Variants in MAGI2 observed in about 807,000 individuals in gnomAD.
MAGI2 encodes membrane associated guanylate kinase, WW and PDZ domain containing 2.
Under a neutral mutation model 133.3 loss-of-function variants are expected in MAGI2, and 35 were observed. The observed-to-expected ratio is 0.26, with a 90% CI of 0.20 to 0.35. The LOEUF is 0.35. Ranked by LOEUF, MAGI2 falls within the 10% of genes least tolerant of loss-of-function variation. The pLI, the probability that MAGI2 is intolerant of heterozygous loss-of-function variation, is 1.00. For synonymous variants in MAGI2, 729 were observed against 710.6 expected (o/e 1.03, Z -0.41); for missense variants, 1,636 against 1,863.4 (o/e 0.88, Z 2.25).
intron 6 of MAGI2, among the ~76,000 whole-genome samples, chr7:78,463,706 A>G (rs1790315720): frequency 6.6e-6 from 1 of 152,228 alleles, no homozygotes. Context: ...AGAAATTGAA[A>G]GTAAACAAGG....
intron 3 of MAGI2, among the ~76,000 whole-genome samples, chr7:78,550,470 A>C (rs1199616838): frequency 1.3e-5 from 2 of 152,178 alleles, no homozygotes; most frequent in Non-Finnish European, 2.9e-5. Context: ...ATATTTGTAA[A>C]AATTAGGGGA....
chr7:79,315,746 G>T lies in MAGI2; in HGVS notation c.301+137274C>A, dbSNP rs116300799. On this transcript the variant is annotated intron_variant, in intron 1 of 21. Coordinates refer to ENST00000354212, the MANE Select transcript of MAGI2 (RefSeq NM_012301.4). ...GTAGAGCATAAAGTCCAGTAACTCT[G>T]GGCAAAAGCAGAGAGATGAAAAGAG... 5.1e-3 allele frequency among the ~76,000 whole-genome samples: 782 copies of T among 152,206 alleles called. 4 individuals carry two copies. Among genetic ancestry groups the T allele is most frequent in the African/African-American group, 0.018 (739 of 41,524 alleles).
chr7:78,102,921 C>T (rs1475365028), intron 20 of MAGI2, among the ~76,000 whole-genome samples: 3 of 152,138 alleles, frequency 2.0e-5, no homozygotes, highest in African/African-American at 7.2e-5. Flanking sequence ...CATACCTACC[C>T]GGGGGGATTC....
chr7:78,136,375 C>A (rs1039191543), intron 16 of MAGI2, among the ~76,000 whole-genome samples: 1 of 152,202 alleles, frequency 6.6e-6, no homozygotes, highest in Non-Finnish European at 1.5e-5. Flanking sequence ...CTGCCTCGGC[C>A]TCCCAAAGTG....
intron 9 of MAGI2, among the ~76,000 whole-genome samples, chr7:78,301,362 G>A (rs572034729): frequency 2.5e-4 from 38 of 152,104 alleles, no homozygotes; most frequent in Non-Finnish European, 5.0e-4. Context: ...CCAACAAAAT[G>A]TCTCTGACAC....
intron 2 of MAGI2, among the ~76,000 whole-genome samples, chr7:78,835,621 G>A (rs1791553175): frequency 6.6e-6 from 1 of 152,100 alleles, no homozygotes; most frequent in Non-Finnish European, 1.5e-5. Context: ...AACTGACAGG[G>A]TTTGCCATAT....
chr7:78,077,725 G>GTTTTTTTTTTTTTT (rs538030969), intron 21 of MAGI2, among the ~76,000 whole-genome samples: 4 of 101,254 alleles, frequency 4.0e-5, no homozygotes, highest in African/African-American at 8.0e-5. Flanking sequence ...TCTTTAGAAT[G>GTTTTTTTTTTTTTT]TTTTTTTTTT....
At chr7:78,502,495 A>G (rs1161265875) in intron 4 of MAGI2, among the ~76,000 whole-genome samples, 1 of 152,198 alleles carries the variant, frequency 6.6e-6, no homozygotes, top group African/African-American at 2.4e-5. Context: ...CCATGGTGCA[A>G]AAATAGATGA....
At chr7:79,307,733 C>T (rs561219838) in intron 1 of MAGI2, among the ~76,000 whole-genome samples, 10 of 152,196 alleles carry the variant, frequency 6.6e-5, no homozygotes, top group Admixed American at 3.3e-4. Flanking sequence ...TGGCCTGGAG[C>T]GGAACATTAC....
chr7:78,638,602 C>G (rs1231397875), intron 2 of MAGI2, among the ~76,000 whole-genome samples: 2 of 152,136 alleles, frequency 1.3e-5, no homozygotes, highest in South Asian at 2.1e-4. Flanking sequence ...GGCTTTTGAT[C>G]CATTCTTACA....
Position 78,250,728 on chromosome 7 carries a change from G to C in MAGI2, c.2047+5215C>G, listed in dbSNP as rs1792298916. Reference sequence around the variant, plus strand: ...AGAAGAAAACATTAAATCAAGAAAAGAAATGGAATTAATAACTAAAAACCT... The same window carrying C: ...AGAAGAAAACATTAAATCAAGAAAACAAATGGAATTAATAACTAAAAACCT... On this transcript the variant is annotated intron_variant, in intron 10 of 21. Transcript: ENST00000354212. 3.3e-5 allele frequency among the ~76,000 whole-genome samples: 5 copies of C among 151,920 alleles called. No homozygotes were observed. The South Asian group carries it at 1.0e-3, about 31-fold the overall frequency.
intron 1 of MAGI2, among the ~76,000 whole-genome samples, chr7:79,424,743 T>C (rs562792177): frequency 2.0e-5 from 3 of 152,292 alleles, no homozygotes; most frequent in South Asian, 4.1e-4. Flanking sequence ...TAAAGTCACA[T>C]AGTCTATATT....
Position 78,737,909 on chromosome 7 carries a change from A to G in MAGI2, c.419-110670T>C. The stretch of plus-strand genomic sequence containing the variant: ...GAAACCAAAACATTTGAGAATGGCT[A>G]TCACTTAGTGGTAAGGAGAAAATAT... On this transcript the variant is annotated intron_variant, in intron 2 of 21. Coordinates refer to ENST00000354212, the MANE Select transcript of MAGI2 (RefSeq NM_012301.4). Among the ~76,000 whole-genome samples the G allele has an allele frequency of 1.3e-5, 2 of 152,100 alleles. 1 individual carries two copies. The highest frequency in any genetic ancestry group is 2.9e-5 in the Non-Finnish European group (2 of 67,980).
chr7:78,422,740 G>C (rs1364223072), intron 6 of MAGI2, among the ~76,000 whole-genome samples: 2 of 152,142 alleles, frequency 1.3e-5, no homozygotes, highest in Admixed American at 6.5e-5. Context: ...ACTAAATTCT[G>C]CGCTCTTGAA....
chr7:78,923,466 CTTGT>C (rs970226181), intron 2 of MAGI2, among the ~76,000 whole-genome samples: 25 of 152,160 alleles, frequency 1.6e-4, no homozygotes, highest in Non-Finnish European at 3.2e-4. Context: ...TTCCCCATTG[CTTGT>C]TTTTCTCAGG....
chr7:78,443,677 A>G (rs1787847327), intron 6 of MAGI2, among the ~76,000 whole-genome samples: 1 of 152,102 alleles, frequency 6.6e-6, no homozygotes, highest in South Asian at 2.1e-4. Flanking sequence ...GTATACATCC[A>G]TCATAAAAAC....
intron 1 of MAGI2, among the ~76,000 whole-genome samples, chr7:79,406,430 T>C (rs1845812741): frequency 6.6e-6 from 1 of 152,060 alleles, no homozygotes; most frequent in Non-Finnish European, 1.5e-5. Flanking sequence ...ACAACTAGAG[T>C]TATTGAAAAT....
intron 2 of MAGI2, among the ~76,000 whole-genome samples, chr7:78,717,870 A>G (rs549024846): frequency 4.0e-4 from 61 of 152,308 alleles, no homozygotes; most frequent in Admixed American, 3.3e-3. Context: ...TAGTACTAGC[A>G]TAAGTACTAA....
chr7:79,448,920 C>T (rs1025996680), intron 1 of MAGI2, among the ~76,000 whole-genome samples: 1 of 152,006 alleles, frequency 6.6e-6, no homozygotes, highest in East Asian at 1.9e-4. Context: ...TCTACATGTA[C>T]CAGAAAACTA....
Sources: allele counts gnomAD v4.1 joint callset (sites outside exome capture counted in the v4.1 genomes callset), GRCh38; gene constraint gnomAD v4.1.1; transcripts MANE v1.5; gene names NCBI Gene and HGNC (gene_info 2026-07-23, HGNC 2026-07-21).